The following FANCC variants were observed in gnomAD, a reference collection of about 807,000 sequenced individuals.
The protein encoded by FANCC is FA complementation group C.
In FANCC, 55 loss-of-function variants were observed where a neutral mutation model predicts 71.3. The ratio of observed to expected loss-of-function variants is 0.77; its 90% CI spans 0.62 to 0.97. The LOEUF (loss-of-function observed/expected upper bound fraction) is 0.97, where lower values mean the gene tolerates loss of function less well. FANCC is among the 50% of genes least tolerant of loss of function. The pLI, the probability that FANCC is intolerant of heterozygous loss-of-function variation, is 0.00. For synonymous variants in FANCC, 275 were observed against 244.9 expected (o/e 1.12, Z -1.15); for missense variants, 678 against 670.9 (o/e 1.01, Z -0.12).
At chr9:95,173,951 ATAC>A (rs1365885519) in intron 4 of FANCC, among the ~76,000 whole-genome samples, 1 of 152,234 alleles carries the variant, frequency 6.6e-6, no homozygotes, top group Non-Finnish European at 1.5e-5. Flanking sequence ...TGGTTATATT[ATAC>A]TACTAAATGA....
chr9:95,293,603 A>G, intron 1 of FANCC: 1 of 1,614,206 alleles, frequency 6.2e-7, no homozygotes, highest in Non-Finnish European at 8.5e-7. Context: ...CTTATGCCTC[A>G]CAAAACTTTA....
intron 8 of FANCC, among the ~76,000 whole-genome samples, chr9:95,134,853 G>A (rs1402465459): frequency 6.6e-6 from 1 of 152,214 alleles, no homozygotes; most frequent in Non-Finnish European, 1.5e-5. Flanking sequence ...CGCAGGGGAG[G>A]GTGAAGGCAG....
intron 4 of FANCC, among the ~76,000 whole-genome samples, chr9:95,197,510 G>A (rs1399367596): frequency 1.3e-5 from 2 of 152,188 alleles, no homozygotes; most frequent in African/African-American, 2.4e-5. Flanking sequence ...CTGCACTCCA[G>A]CCTGGGTGAA....
At chr9:95,274,404 T>A (rs1832921490) in intron 1 of FANCC, among the ~76,000 whole-genome samples, 1 of 152,246 alleles carries the variant, frequency 6.6e-6, no homozygotes, top group African/African-American at 2.4e-5. Context: ...TGTGCCACAT[T>A]TTCTTTATCC....
chr9:95,120,624 T>G (rs1228887618), intron 10 of FANCC, among the ~76,000 whole-genome samples: 3 of 152,062 alleles, frequency 2.0e-5, no homozygotes, highest in African/African-American at 7.2e-5. Flanking sequence ...GGTCCCACTA[T>G]GTTGCCCAGG....
chr9:95,293,898 T>C, intron 1 of FANCC: 1 of 1,599,022 alleles, frequency 6.3e-7, no homozygotes, highest in South Asian at 1.1e-5. Context: ...CATTTTTGAG[T>C]GTTCATTCAT....
rs140413786 is a variant in FANCC, at chr9:95,151,032, C to G, written c.522-945G>C. 3.7e-4 allele frequency among the ~76,000 whole-genome samples: 57 copies of G among 152,332 alleles called. 1 individual carries two copies. The highest frequency in any genetic ancestry group is 1.3e-3 in the African/African-American group (55 of 41,566). ...TCAAGTGCTCAACAGCTATAGGTGG[C>G]TGGCGGCTACAGTACCGAACAGTGC... On this transcript the variant is annotated intron_variant, in intron 6 of 14. Transcript: ENST00000289081.
intron 4 of FANCC, among the ~76,000 whole-genome samples, chr9:95,226,113 C>A (rs1264585705): frequency 6.6e-6 from 1 of 152,096 alleles, no homozygotes; most frequent in Non-Finnish European, 1.5e-5. Flanking sequence ...AATTTTCAGA[C>A]TAAATAAAAC....
chr9:95,132,044 A>G (rs1826989123), intron 8 of FANCC, among the ~76,000 whole-genome samples: 1 of 152,210 alleles, frequency 6.6e-6, no homozygotes, highest in African/African-American at 2.4e-5. Flanking sequence ...GCATATTCTG[A>G]TATCAAATCT....
At chr9:95,121,333 A>C (rs1363129252) in intron 10 of FANCC, among the ~76,000 whole-genome samples, 1 of 152,186 alleles carries the variant, frequency 6.6e-6, no homozygotes, top group African/African-American at 2.4e-5. Flanking sequence ...AACAGGGACA[A>C]GAGGAAAGGG....
intron 1 of FANCC, chr9:95,294,107 T>A: frequency 6.2e-7 from 1 of 1,610,614 alleles, no homozygotes; most frequent in East Asian, 2.2e-5. Flanking sequence ...ACCATAGATT[T>A]ATTAAGTGAT....
intron 4 of FANCC, among the ~76,000 whole-genome samples, chr9:95,229,949 G>C (rs1564775116): frequency 6.6e-6 from 1 of 152,176 alleles, no homozygotes; most frequent in Non-Finnish European, 1.5e-5. Flanking sequence ...TATCCATTCA[G>C]TAGTTTTTTA....
chr9:95,105,512 T>A (rs1272296055), intron 14 of FANCC, among the ~76,000 whole-genome samples: 1 of 152,258 alleles, frequency 6.6e-6, no homozygotes, highest in Non-Finnish European at 1.5e-5. Flanking sequence ...AGTATTTTTT[T>A]AAATTGTGGT....
At chr9:95,235,310 T>C (rs1830246034) in intron 4 of FANCC, among the ~76,000 whole-genome samples, 1 of 151,848 alleles carries the variant, frequency 6.6e-6, no homozygotes. Context: ...CAGTGGGAAA[T>C]GCACCCAAAG....
At chr9:95,219,082 T>G (rs1829061826) in intron 4 of FANCC, among the ~76,000 whole-genome samples, 1 of 152,222 alleles carries the variant, frequency 6.6e-6, no homozygotes, top group African/African-American at 2.4e-5. Context: ...GACTGGTTCT[T>G]CATTGCCTGA....
intron 4 of FANCC, among the ~76,000 whole-genome samples, chr9:95,205,141 CT>C (rs1828041638): frequency 6.6e-6 from 1 of 152,094 alleles, no homozygotes; most frequent in Non-Finnish European, 1.5e-5. Flanking sequence ...GAAGTTATTC[CT>C]TCTAAAATGT....
chr9:95,162,147 TTC>T (rs1328513152), intron 6 of FANCC, among the ~76,000 whole-genome samples: 1 of 152,206 alleles, frequency 6.6e-6, no homozygotes, highest in South Asian at 2.1e-4. Flanking sequence ...TGCCCTTAGC[TTC>T]TGTTTCTACA....
At chr9:95,225,212 T>C (rs1162898819) in intron 4 of FANCC, among the ~76,000 whole-genome samples, 1 of 152,154 alleles carries the variant, frequency 6.6e-6, no homozygotes, top group Non-Finnish European at 1.5e-5. Context: ...CAGCCACGTG[T>C]AGTGCAGACA....
intron 3 of FANCC, among the ~76,000 whole-genome samples, chr9:95,245,434 C>G (rs143081193): frequency 5.3e-5 from 8 of 152,076 alleles, no homozygotes; most frequent in Non-Finnish European, 1.2e-4. Flanking sequence ...ACCTTAAATA[C>G]AGTGTTTTCT....
Sources: gnomAD v4.1 joint callset for allele counts (sites outside exome capture counted in the v4.1 genomes callset) on GRCh38, gnomAD v4.1.1 for gene constraint, MANE v1.5 for transcripts, NCBI Gene and HGNC (gene_info 2026-07-23, HGNC 2026-07-21) for gene names.